Variants in ANKRD26 observed in about 807,000 individuals in gnomAD.
ANKRD26 encodes the protein ankyrin repeat domain-containing protein 26.
In ANKRD26, 141 loss-of-function variants were observed where a neutral mutation model predicts 208.7. That is an observed-to-expected ratio of 0.68 (90% confidence interval 0.59 to 0.78). The LOEUF is 0.78. Ranked by LOEUF, ANKRD26 falls within the 30% of genes least tolerant of loss-of-function variation. The probability of loss-of-function intolerance (pLI) is 0.00; values close to 1 mark genes in which losing one functional copy is unlikely to be tolerated. For synonymous variants in ANKRD26, 636 were observed against 660.4 expected (o/e 0.96, Z 0.57); for missense variants, 1,889 against 1,938.7 (o/e 0.97, Z 0.48).
chr10:26,956,631 CA>C, the ANKRD26 span, among the ~76,000 whole-genome samples: 223 of 140,164 alleles, frequency 1.6e-3, no homozygotes, highest in Middle Eastern at 7.2e-3. Flanking sequence ...GCTTGTGTCT[CA>C]AAAAAAAAAA....
At chr10:27,032,635 C>CA (rs68062291) in intron 25 of ANKRD26, among the ~76,000 whole-genome samples, 6,041 of 135,436 alleles carry the variant, frequency 0.045, 255 homozygotes, top group East Asian at 0.14. Flanking sequence ...GACTCTGTCT[C>CA]AAAAAAAAAA....
intron 16 of ANKRD26, among the ~76,000 whole-genome samples, chr10:27,050,219 C>CAAAAAAAAAAAAAAA (rs67384671): frequency 2.3e-3 from 77 of 33,042 alleles, no homozygotes; most frequent in Non-Finnish European, 3.4e-3. Flanking sequence ...GAATCTGTCT[C>CAAAAAAAAAAAAAAA]AAAAAAAAAA....
downstream of ANKRD26, among the ~76,000 whole-genome samples, chr10:27,000,465 C>T (rs987116289): frequency 6.6e-6 from 1 of 152,176 alleles, no homozygotes; most frequent in African/African-American, 2.4e-5. Context: ...GGATACAATA[C>T]TGTCACTATT....
chr10:27,006,858 A>T, intron 33 of ANKRD26, 59 bp downstream of exon 33: 1 of 1,380,940 alleles, frequency 7.2e-7, no homozygotes, highest in Non-Finnish European at 1.0e-6. Context: ...ACGATTTACA[A>T]TTTATTTCAG....
chr10:27,009,874 T>C (rs917360169), intron 32 of ANKRD26, among the ~76,000 whole-genome samples: 30 of 152,182 alleles, frequency 2.0e-4, no homozygotes, highest in African/African-American at 6.8e-4. Context: ...TGCAACTTCA[T>C]GTATACTTTT....
chr10:27,001,088 G>A (rs1214548975), downstream of ANKRD26, among the ~76,000 whole-genome samples: 1 of 152,190 alleles, frequency 6.6e-6, no homozygotes, highest in African/African-American at 2.4e-5. Flanking sequence ...TAGATTCAAT[G>A]CAATTCCAAT....
chr10:26,972,803 G>A (rs918757192), downstream of ANKRD26, among the ~76,000 whole-genome samples: 2 of 151,972 alleles, frequency 1.3e-5, no homozygotes, highest in African/African-American at 4.8e-5. Context: ...TGTTAGCCAG[G>A]ATGGTCTCGA....
chr10:27,053,390 G>A lies in ANKRD26; in HGVS notation c.1565C>T (p.Ala522Val). Reference protein sequence around the residue: ...GMKDVQTSKAAEHDLEVASEE... With the variant: ...GMKDVQTSKAVEHDLEVASEE... ...TGATGCTACTTCTAAGTCATGTTCA[G>A]CTGAAAAAATCCAAATATTTAGTTT... is the stretch of plus-strand genomic sequence containing the variant. Residue 522 changes from alanine (A) to valine (V), a missense_variant and splice_region_variant, in exon 16 of 34, where the codon GCT (alanine) becomes GTT (valine). By Grantham distance (64) the Ala-to-Val change is moderately conservative. Coordinates refer to ENST00000376087, the MANE Select transcript of ANKRD26 (RefSeq NM_014915.3). 6.2e-7 allele frequency: 1 copy of A among 1,609,134 alleles called. No individual in the cohort carries two copies. Among genetic ancestry groups the A allele is most frequent in the Non-Finnish European group, 8.5e-7 (1 of 1,177,206 alleles).
the ANKRD26 span, among the ~76,000 whole-genome samples, chr10:26,956,088 A>G: frequency 6.6e-6 from 1 of 152,228 alleles, no homozygotes; most frequent in Admixed American, 6.5e-5. Context: ...ATACTTACTC[A>G]GTTTCATCTT....
At chr10:27,050,244 A>AAAAAAAG (rs2054605396) in intron 16 of ANKRD26, among the ~76,000 whole-genome samples, 1 of 134,202 alleles carries the variant, frequency 7.5e-6, no homozygotes, top group African/African-American at 3.8e-5. Flanking sequence ...AAAAAAAAAA[A>AAAAAAAG]AAAGAAAGAA....
downstream of ANKRD26, among the ~76,000 whole-genome samples, chr10:26,972,128 G>A (rs531640036): frequency 5.9e-3 from 894 of 151,874 alleles, 4 homozygotes; most frequent in Non-Finnish European, 0.01. Flanking sequence ...CCAGCTACTC[G>A]GGAGGCTGAG....
chr10:27,022,730 C>T, intron 28 of ANKRD26, 43 bp from the exon 29 acceptor site: 2 of 1,523,792 alleles, frequency 1.3e-6, no homozygotes, highest in South Asian at 1.2e-5. Flanking sequence ...TTTAAAAAGG[C>T]AAACATTTAA....
chr10:27,084,223 AAAAAAAAAAAAAG>A (rs200244006), intron 5 of ANKRD26, among the ~76,000 whole-genome samples: 2,456 of 150,990 alleles, frequency 0.016, 143 homozygotes, highest in East Asian at 0.15. Flanking sequence ...CATCTCAAAA[AAAAAAAAAAAAAG>A]AAAAAAGAAA....
intron 12 of ANKRD26, 34 bp from the exon 13 acceptor site, chr10:27,061,276 G>A: frequency 7.1e-7 from 1 of 1,409,942 alleles, no homozygotes; most frequent in Non-Finnish European, 9.9e-7. Flanking sequence ...TTTCAATATT[G>A]TAATATTTAT....
chr10:26,979,176 C>T (rs180856892), intron 5 of ANKRD26, among the ~76,000 whole-genome samples: 276 of 152,148 alleles, frequency 1.8e-3, no homozygotes, highest in Non-Finnish European at 3.0e-3. Context: ...GCCGAGATCG[C>T]GCCACTGCAC....
chr10:27,015,637 T>TA (rs2053264285), intron 30 of ANKRD26, among the ~76,000 whole-genome samples: 1 of 152,214 alleles, frequency 6.6e-6, no homozygotes, highest in African/African-American at 2.4e-5. Flanking sequence ...CCAAGACTCC[T>TA]ATCTCTCACT....
At chr10:26,969,165 G>A (rs1034538631), downstream of ANKRD26, among the ~76,000 whole-genome samples, 2 of 152,148 alleles carry the variant, frequency 1.3e-5, no homozygotes, top group Middle Eastern at 3.2e-3. Context: ...GGTCAATGAA[G>A]TGCCCGGATC....
At chr10:26,953,177 C>A in the ANKRD26 span, among the ~76,000 whole-genome samples, 1 of 152,076 alleles carries the variant, frequency 6.6e-6, no homozygotes, top group Non-Finnish European at 1.5e-5. Context: ...GTAATCCCAG[C>A]AATTTGGGAG....
At chr10:27,017,878 A>G (rs2053352789) in intron 29 of ANKRD26, 86 bp from the exon 30 acceptor site, 2 of 1,296,262 alleles carry the variant, frequency 1.5e-6, no homozygotes, top group Admixed American at 4.1e-5. Flanking sequence ...ATTTTGAAAT[A>G]AATTCAGTTG....
Sources: gnomAD v4.1 joint callset for allele counts (sites outside exome capture counted in the v4.1 genomes callset) on GRCh38, gnomAD v4.1.1 for gene constraint, MANE v1.5 for transcripts, NCBI Gene and HGNC (gene_info 2026-07-23, HGNC 2026-07-21) for gene names.